Variants in TENM2 observed in about 807,000 individuals in gnomAD.
TENM2 encodes teneurin transmembrane protein 2, also known as teneurin-2.
In TENM2, 52 loss-of-function variants were observed where a neutral mutation model predicts 245.2. The observed-to-expected ratio is 0.21, with a 90% CI of 0.17 to 0.27. The LOEUF (loss-of-function observed/expected upper bound fraction) is 0.27. TENM2 is among the 10% of genes least tolerant of loss of function. TENM2 has a pLI of 1.00. For synonymous variants in TENM2, 1,363 were observed against 1,438.9 expected, an observed-to-expected ratio of 0.95 and a Z score of 1.19; for missense variants, 3,046 against 3,666.8, an observed-to-expected ratio of 0.83 and a Z score of 4.37.
chr5:167,381,474 G>A (rs1181656079), intron 2 of TENM2, among the ~76,000 whole-genome samples: 1 of 152,178 alleles, frequency 6.6e-6, no homozygotes, highest in African/African-American at 2.4e-5. Flanking sequence ...GCTTAGTGCA[G>A]TATCAAACAT....
chr5:167,270,538 C>T, the TENM2 span, among the ~76,000 whole-genome samples: 1 of 152,110 alleles, frequency 6.6e-6, no homozygotes, highest in Non-Finnish European at 1.5e-5. Context: ...TCTCTCTCTC[C>T]TGTATCCAGT....
chr5:168,158,980 T>TAC (rs758669728), intron 12 of TENM2, among the ~76,000 whole-genome samples: 19 of 148,622 alleles, frequency 1.3e-4, no homozygotes, highest in Non-Finnish European at 2.5e-4. Flanking sequence ...TATATATATA[T>TAC]ACACACAAAA....
At chr5:167,027,007 C>T in the TENM2 span, among the ~76,000 whole-genome samples, 6 of 152,026 alleles carry the variant, frequency 3.9e-5, no homozygotes, top group East Asian at 1.9e-4. Flanking sequence ...GAACAGATAC[C>T]GCTTATCAAC....
chr5:167,701,220 T>TC (rs1421392146), intron 2 of TENM2, among the ~76,000 whole-genome samples: 2 of 152,108 alleles, frequency 1.3e-5, no homozygotes, highest in Non-Finnish European at 2.9e-5. Flanking sequence ...TCATTACATC[T>TC]CCCCCAACTC....
intron 7 of TENM2, among the ~76,000 whole-genome samples, chr5:168,071,827 A>G (rs1581218718): frequency 6.6e-6 from 1 of 152,376 alleles, no homozygotes; most frequent in East Asian, 1.9e-4. Context: ...TTGAGTGCTT[A>G]CTATGAGCCG....
chr5:167,934,871 C>T lies in TENM2; in HGVS notation c.713-17717C>T, dbSNP rs181480644. On this transcript the variant is annotated intron_variant, in intron 3 of 28. Transcript: ENST00000518659. ...GCAACGGAGGAGGCTTAGCTTAGTA[C>T]GCGTTCGGCAGGACGGGTGTGCAGG... 6.3e-5 allele frequency: 62 copies of T among 985,492 alleles called. No homozygotes were observed. In the Admixed American group the frequency reaches 1.3e-3, roughly 20 times the overall value. 61.0% of individuals were successfully genotyped at this position (985,492 alleles called of 1,614,324 possible).
rs1395683429 is a variant in TENM2 at position 167,350,732 on chromosome 5, TGGATATATATATATG to T, written c.227-24456_227-24442del. ...TATATATATATGGGATATATACATA[TGGATATATATATATG>T]GGATATATACATATGGATATATATA... On this transcript the variant is annotated intron_variant, in intron 1 of 28. Coordinates refer to ENST00000518659, the Ensembl canonical transcript of TENM2. 3.4e-5 allele frequency among the ~76,000 whole-genome samples: 3 copies of T among 88,756 alleles called. No individual in the cohort carries two copies. In the South Asian group the frequency reaches 1.1e-3, roughly 34 times the overall value. 58.2% of individuals were successfully genotyped at this position (88,756 alleles called of 152,430 possible).
At chr5:167,061,094 ACACACAC>A in the TENM2 span, among the ~76,000 whole-genome samples, 2 of 15,624 alleles carry the variant, frequency 1.3e-4, no homozygotes, top group African/African-American at 5.5e-3. Flanking sequence ...TCTCCAAAAC[ACACACAC>A]ACACACACAC....
intron 12 of TENM2, among the ~76,000 whole-genome samples, chr5:168,134,215 C>T (rs1438696241): frequency 3.3e-5 from 5 of 152,098 alleles, no homozygotes; most frequent in Admixed American, 2.6e-4. Flanking sequence ...GAGATTAAAT[C>T]CTGGTAGCTT....
the TENM2 span, among the ~76,000 whole-genome samples, chr5:167,086,927 ACG>A: frequency 6.6e-3 from 311 of 47,220 alleles, 1 homozygote; most frequent in Middle Eastern, 0.033. Flanking sequence ...TAACACACAC[ACG>A]CACACACACA....
intron 8 of TENM2, among the ~76,000 whole-genome samples, chr5:168,097,423 T>C (rs1040411215): frequency 3.9e-5 from 6 of 152,140 alleles, no homozygotes; most frequent in African/African-American, 1.4e-4. Context: ...TGTTTTGTTT[T>C]GTTTGTTTGT....
chr5:167,989,561 A>G (rs1048139996), intron 4 of TENM2, among the ~76,000 whole-genome samples: 1 of 152,188 alleles, frequency 6.6e-6, no homozygotes, highest in African/African-American at 2.4e-5. Context: ...TCCATGTTGT[A>G]GAGAGCTTGG....
At chr5:168,210,213 C>T (rs1414002515) in intron 19 of TENM2, among the ~76,000 whole-genome samples, 4 of 152,188 alleles carry the variant, frequency 2.6e-5, no homozygotes. Flanking sequence ...GCAGTGACCT[C>T]AGCCTTTCTC....
At chr5:168,192,733 G>A (rs1761067817) in intron 14 of TENM2, among the ~76,000 whole-genome samples, 1 of 152,132 alleles carries the variant, frequency 6.6e-6, no homozygotes, top group Non-Finnish European at 1.5e-5. Context: ...CTGTAAGTAT[G>A]CTTCCTTTTA....
chr5:167,428,201 GT>G (rs1367213300), intron 2 of TENM2, among the ~76,000 whole-genome samples: 7 of 152,112 alleles, frequency 4.6e-5, no homozygotes, highest in Non-Finnish European at 1.0e-4. Context: ...AGATATATGA[GT>G]TTTTTAAAAA....
chr5:167,480,602 G>T (rs980801005), intron 2 of TENM2, among the ~76,000 whole-genome samples: 1 of 152,156 alleles, frequency 6.6e-6, no homozygotes, highest in African/African-American at 2.4e-5. Context: ...ACAAAATCTA[G>T]ATGATTGCGA....
At chr5:167,445,334 T>TAGAGAGAGAGAG (rs1380778783) in intron 2 of TENM2, among the ~76,000 whole-genome samples, 208 of 86,204 alleles carry the variant, frequency 2.4e-3, no homozygotes, top group Non-Finnish European at 3.4e-3. Flanking sequence ...TATATATATA[T>TAGAGAGAGAGAG]ATAGAGAGAG....
intron 2 of TENM2, among the ~76,000 whole-genome samples, chr5:167,458,369 C>A (rs1766050508): frequency 6.9e-6 from 1 of 144,974 alleles, no homozygotes; most frequent in Non-Finnish European, 1.6e-5. Context: ...TGCCTGTGAT[C>A]CCAGCTACTC....
intron 1 of TENM2, among the ~76,000 whole-genome samples, chr5:167,348,553 C>G (rs911387878): frequency 6.6e-6 from 1 of 152,072 alleles, no homozygotes; most frequent in Non-Finnish European, 1.5e-5. Flanking sequence ...AATACATGAT[C>G]CCAGTGTAGC....
Sources: allele counts gnomAD v4.1 joint callset (sites outside exome capture counted in the v4.1 genomes callset), GRCh38; gene constraint gnomAD v4.1.1; transcripts MANE v1.5; gene names NCBI Gene and HGNC (gene_info 2026-07-23, HGNC 2026-07-21).